The following SRP9 variants were observed in gnomAD, a reference collection of about 807,000 sequenced individuals.
SRP9 encodes the protein signal recognition particle 9.
SRP9 carries 2 observed loss-of-function variants against 11.7 expected under a neutral mutation model. The ratio of observed to expected loss-of-function variants is 0.17; its 90% CI spans 0.07 to 0.54. The LOEUF (loss-of-function observed/expected upper bound fraction) is 0.54. Ranked by LOEUF, SRP9 falls within the 20% of genes least tolerant of loss-of-function variation. The pLI, the probability that SRP9 is intolerant of heterozygous loss-of-function variation, is 0.94. For missense variants in SRP9, 54 were observed against 108.1 expected (o/e 0.50, Z 2.22); for synonymous variants, 27 against 35.6 (o/e 0.76, Z 0.86).
Position 225,784,017 on chromosome 1 carries a change from C to T in SRP9, c.141+649C>T, listed in dbSNP as rs528686383. On this transcript the variant is annotated intron_variant, in intron 2 of 2. Transcript: ENST00000304786. Reference sequence around the variant, plus strand: ...TGCTGATTGTTTTTTTTTTGATGTGCCCCATATATATGTGCTTCTCTAGGA... The same window carrying T: ...TGCTGATTGTTTTTTTTTTGATGTGTCCCATATATATGTGCTTCTCTAGGA... Among the ~76,000 whole-genome samples, 8 of 151,246 alleles carry T rather than the reference C, an allele frequency of 5.3e-5. No individual in the cohort carries two copies. In the East Asian group the frequency reaches 1.5e-3, roughly 29 times the overall value.
chr1:225,785,923 C>G (rs946680092), intron 2 of SRP9, among the ~76,000 whole-genome samples: 10 of 151,814 alleles, frequency 6.6e-5, no homozygotes, highest in African/African-American at 2.4e-4. Context: ...TGACCTCAAG[C>G]GATCCACCCA....
chr1:225,779,143 T>TC (rs1049936068), intron 1 of SRP9, among the ~76,000 whole-genome samples: 9 of 151,438 alleles, frequency 5.9e-5, no homozygotes, highest in Admixed American at 4.6e-4. Flanking sequence ...TTTTTTTTTT[T>TC]CAATAGTTTT....
At chr1:225,781,536 A>T (rs1665801574) in intron 1 of SRP9, among the ~76,000 whole-genome samples, 1 of 151,274 alleles carries the variant, frequency 6.6e-6, no homozygotes, top group Admixed American at 6.6e-5. Flanking sequence ...AGTAGCTGGG[A>T]TTACAGACAC....
At chr1:225,785,237 A>ATTTT (rs34100490) in intron 2 of SRP9, among the ~76,000 whole-genome samples, 9 of 129,680 alleles carry the variant, frequency 6.9e-5, no homozygotes, top group African/African-American at 2.6e-4. Flanking sequence ...CGCCCAACTA[A>ATTTT]TTTTTTTTTT....
intron 2 of SRP9, among the ~76,000 whole-genome samples, chr1:225,788,490 C>T (rs1665960446): frequency 6.7e-6 from 1 of 149,918 alleles, no homozygotes; most frequent in Non-Finnish European, 1.5e-5. Context: ...GATCTTGGCT[C>T]ACTGCAGCCC....
chr1:225,777,843 G>C lies in SRP9; in HGVS notation c.-98G>C. The C allele has an allele frequency of 8.1e-7, 1 of 1,230,474 alleles. No individual in the cohort carries two copies. 76.2% of individuals were successfully genotyped at this position (1,230,474 alleles called of 1,614,324 possible). ...GAGGAGGCGCCGCCATCTTGGGGCT[G>C]CTGGGACTCGCGTCGGTTGGCGACT... is the stretch of plus-strand genomic sequence containing the variant. On this transcript the variant is annotated 5_prime_UTR_variant, in exon 1 of 3. Coordinates refer to ENST00000304786, the MANE Select transcript of SRP9 (RefSeq NM_003133.6).
chr1:225,779,173 C>A (rs1665746549), intron 1 of SRP9, among the ~76,000 whole-genome samples: 1 of 145,424 alleles, frequency 6.9e-6, no homozygotes, highest in African/African-American at 2.5e-5. Context: ...GAGACGAAAT[C>A]TCGCACTGTC....
chr1:225,781,360 T>C (rs1559004739), intron 1 of SRP9, among the ~76,000 whole-genome samples: 1 of 151,976 alleles, frequency 6.6e-6, no homozygotes, highest in Admixed American at 6.5e-5. Flanking sequence ...ATGGACCCTT[T>C]TATAAACACG....
chr1:225,788,506 C>T (rs974544746), intron 2 of SRP9, among the ~76,000 whole-genome samples: 2 of 151,316 alleles, frequency 1.3e-5, no homozygotes, highest in African/African-American at 4.9e-5. Context: ...AGCCCTCACT[C>T]CTGGGTTCAA....
rs201121310 is a variant in SRP9 at position 225,777,911 on chromosome 1, C to T, written c.-30C>T. ...TGTTGGGCCGGGTTCTGAGGCCTTG[C>T]TTCTCTTTACTTTTCCACTCTAGGC... On this transcript the variant is annotated 5_prime_UTR_variant, in exon 1 of 3. Transcript: ENST00000304786. 10 of 1,603,356 alleles carry T rather than the reference C, an allele frequency of 6.2e-6. No individual in the cohort carries two copies. The East Asian group carries it at 1.6e-4, about 25-fold the overall frequency.
At chr1:225,789,107 A>C (rs2102653347) in intron 2 of SRP9, 133 bp from the exon 3 acceptor site, 1 of 1,551,408 alleles carries the variant, frequency 6.4e-7, no homozygotes, top group Non-Finnish European at 8.7e-7. Context: ...CAATTTCCCT[A>C]GTACGACCTC....
intron 2 of SRP9, among the ~76,000 whole-genome samples, chr1:225,785,261 A>G (rs1665885212): frequency 1.5e-5 from 2 of 135,052 alleles, no homozygotes; most frequent in Admixed American, 7.9e-5. Flanking sequence ...TTTTTTTAGT[A>G]GAGACGGGGT....
chr1:225,779,689 T>C (rs531355457), intron 1 of SRP9, among the ~76,000 whole-genome samples: 1 of 152,350 alleles, frequency 6.6e-6, no homozygotes, highest in South Asian at 2.1e-4. Flanking sequence ...AATAAAATGA[T>C]ACAATAATAA....
intron 2 of SRP9, chr1:225,788,916 G>A (rs1559006980): frequency 3.9e-5 from 52 of 1,335,554 alleles, no homozygotes; most frequent in East Asian, 1.0e-4. Context: ...TACCTAATTC[G>A]AAGGAAGAAA....
chr1:225,781,395 CTTTTTTTT>C (rs11315558), intron 1 of SRP9, among the ~76,000 whole-genome samples: 26 of 87,818 alleles, frequency 3.0e-4, no homozygotes, highest in African/African-American at 1.2e-3. Flanking sequence ...TTTTCTTTTT[CTTTTTTTT>C]TTTTTTTTTT....
At chr1:225,785,266 C>T (rs982759910) in intron 2 of SRP9, among the ~76,000 whole-genome samples, 6 of 139,340 alleles carry the variant, frequency 4.3e-5, no homozygotes, top group African/African-American at 8.1e-5. Context: ...TTAGTAGAGA[C>T]GGGGTTTTCA....
chr1:225,783,082 C>A (rs1388330152), intron 1 of SRP9, among the ~76,000 whole-genome samples: 1 of 39,214 alleles, frequency 2.6e-5, no homozygotes. Context: ...AATAAAATAT[C>A]CAACTTTTTA....
chr1:225,787,017 A>AT (rs987704594), intron 2 of SRP9: 15 of 336,118 alleles, frequency 4.5e-5, no homozygotes, highest in Admixed American at 1.7e-4. Flanking sequence ...TAATTTTTAA[A>AT]TTTTTTTGTC....
At chr1:225,778,546 A>C (rs1046442039) in intron 1 of SRP9, among the ~76,000 whole-genome samples, 2 of 152,368 alleles carry the variant, frequency 1.3e-5, no homozygotes, top group Admixed American at 1.3e-4. Context: ...ACCTTTCCTC[A>C]GAAAAATGGT....
Sources: gnomAD v4.1 joint callset for allele counts (sites outside exome capture counted in the v4.1 genomes callset) on GRCh38, gnomAD v4.1.1 for gene constraint, MANE v1.5 for transcripts, NCBI Gene and HGNC (gene_info 2026-07-23, HGNC 2026-07-21) for gene names.